Variants in WDR70 observed in about 807,000 individuals in gnomAD.
WDR70 encodes WD repeat domain 70.
A neutral mutation model predicts 88.6 loss-of-function variants in WDR70; 53 were observed. The ratio of observed to expected loss-of-function variants is 0.60; its 90% CI spans 0.48 to 0.75. The LOEUF (loss-of-function observed/expected upper bound fraction) is 0.75. Among genes scored for constraint, WDR70 ranks in the 30% least tolerant of loss-of-function variants. WDR70 has a pLI of 0.00. For missense variants in WDR70, 610 were observed against 823.2 expected (o/e 0.74, Z 3.17); for synonymous variants, 280 against 270.0 (o/e 1.04, Z -0.36).
intron 9 of WDR70, among the ~76,000 whole-genome samples, chr5:37,538,600 T>A (rs1191276043): frequency 6.6e-6 from 1 of 152,170 alleles, no homozygotes; most frequent in Non-Finnish European, 1.5e-5. Context: ...TGTGGACATC[T>A]TTTCTGAGTG....
intron 9 of WDR70, among the ~76,000 whole-genome samples, chr5:37,554,103 T>C (rs1742226845): frequency 6.6e-6 from 1 of 150,398 alleles, no homozygotes; most frequent in Non-Finnish European, 1.5e-5. Context: ...TTTAGTGCAA[T>C]ACTCCTTTTT....
In WDR70 at chr5:37,506,081, A is replaced by G. The variant is rs1000525497; in HGVS notation, c.841-10433A>G. ...ATCCAGAGAGATCACCTCATTCAAG[A>G]TTTGCACAGTAAAGATTTGCATGTG... On this transcript the variant is annotated intron_variant, in intron 8 of 17. Coordinates refer to ENST00000265107, the MANE Select transcript of WDR70 (RefSeq NM_018034.4). 7.9e-6 allele frequency: 10 copies of G among 1,273,846 alleles called. No homozygotes were observed. In the African/African-American group the frequency reaches 1.0e-4, roughly 13 times the overall value. The allele number at this position is 1,273,846 out of a possible 1,614,324, so 78.9% of individuals were successfully genotyped here.
chr5:37,711,463 T>C (rs1747509995), intron 13 of WDR70, among the ~76,000 whole-genome samples: 2 of 152,332 alleles, frequency 1.3e-5, no homozygotes, highest in Middle Eastern at 3.4e-3. Flanking sequence ...ATTTTTAGCC[T>C]CACATTCTCA....
rs753546581 is a variant in WDR70 at position 37,392,130 on chromosome 5, T to C, written c.296+10T>C. 1 of 1,602,332 alleles carries C rather than the reference T, an allele frequency of 6.2e-7. No homozygotes were observed. The highest frequency in any genetic ancestry group is 8.5e-7 in the Non-Finnish European group (1 of 1,177,730). ...CCAAATCATCTTCCAGGTGCCTGAT[T>C]TTCAGAAAGACTTCTATTAAACTAT... On this transcript the variant is annotated intron_variant, in intron 4 of 17. Transcript: ENST00000265107.
In WDR70 at chr5:37,379,389, G is replaced by T; in HGVS notation, c.22G>T (p.Glu8Ter). 6.2e-7 allele frequency: 1 copy of T among 1,613,654 alleles called. No individual in the cohort carries two copies. The highest frequency in any genetic ancestry group is 8.5e-7 in the Non-Finnish European group (1 of 1,179,822). ...AGCCATGGAGCGCTCTGGGCCCAGC[G>T]AAGGTGGGTTTCATGAGGCGAGTCC... is the stretch of plus-strand genomic sequence containing the variant. MERSGPSEVTGSDASGPD... is the reference protein window; with the variant it reads MERSGPS Residue 8 changes from glutamate (E) to a stop codon, truncating the protein, a stop_gained, in exon 1 of 18, where the codon GAA becomes TAA. Coordinates refer to ENST00000265107, the MANE Select transcript of WDR70 (RefSeq NM_018034.4). LOFTEE classifies it high-confidence loss of function.
At chr5:37,434,544 A>G (rs571253965) in intron 5 of WDR70, among the ~76,000 whole-genome samples, 1 of 152,202 alleles carries the variant, frequency 6.6e-6, no homozygotes, top group South Asian at 2.1e-4. Context: ...GATCTTTGTT[A>G]TTGGGTAGAG....
Position 37,622,579 on chromosome 5 carries a change from A to G in WDR70, c.1092+17341A>G, listed in dbSNP as rs1022355873. 4.6e-5 allele frequency among the ~76,000 whole-genome samples: 7 copies of G among 152,258 alleles called. No homozygotes were observed. In the South Asian group the frequency reaches 6.2e-4, roughly 13 times the overall value. On this transcript the variant is annotated intron_variant, in intron 10 of 17. Coordinates refer to ENST00000265107, the MANE Select transcript of WDR70 (RefSeq NM_018034.4). The stretch of plus-strand genomic sequence containing the variant: ...ATGCAGCCTTAAAAAGGGTGAGTTC[A>G]TGTCCTTTGTAGGGACATGGATGAA...
chr5:37,686,702 C>T (rs1051294143), intron 10 of WDR70, among the ~76,000 whole-genome samples: 4 of 151,748 alleles, frequency 2.6e-5, no homozygotes, highest in African/African-American at 9.7e-5. Flanking sequence ...TTTGAATTTC[C>T]AGAGGCTCCA....
At chr5:37,469,886 C>T (rs1739272843) in intron 7 of WDR70, among the ~76,000 whole-genome samples, 1 of 152,044 alleles carries the variant, frequency 6.6e-6, no homozygotes, top group South Asian at 2.1e-4. Context: ...CTGTAATAGA[C>T]TTATATTTCT....
intron 9 of WDR70, among the ~76,000 whole-genome samples, chr5:37,521,826 CAT>C (rs977824579): frequency 9.2e-5 from 14 of 152,028 alleles, no homozygotes; most frequent in African/African-American, 3.1e-4. Flanking sequence ...ACCCTATAAA[CAT>C]GTGTGTTCAA....
At chr5:37,549,622 CTTTTATAGG>C (rs1742086644) in intron 9 of WDR70, among the ~76,000 whole-genome samples, 1 of 152,018 alleles carries the variant, frequency 6.6e-6, no homozygotes, top group Non-Finnish European at 1.5e-5. Flanking sequence ...ATTTGGATGC[CTTTTATAGG>C]TTTCTTTTAT....
At chr5:37,466,962 G>A (rs900749160) in intron 7 of WDR70, among the ~76,000 whole-genome samples, 17 of 151,950 alleles carry the variant, frequency 1.1e-4, no homozygotes, top group Non-Finnish European at 2.2e-4. Flanking sequence ...TTGACCAGGC[G>A]TGGTGGCTTG....
intron 9 of WDR70, among the ~76,000 whole-genome samples, chr5:37,530,296 G>T (rs972132660): frequency 1.3e-5 from 2 of 151,954 alleles, no homozygotes; most frequent in African/African-American, 2.4e-5. Context: ...CCCTATTTTG[G>T]GTATTAGAGT....
At position 37,536,441 on chromosome 5, in the gene WDR70, T is replaced by C. The variant is rs146726371; in HGVS notation, c.917+19851T>C. 4.7e-3 allele frequency among the ~76,000 whole-genome samples: 708 copies of C among 152,214 alleles called. 3 individuals carry two copies. Among genetic ancestry groups the C allele is most frequent in the Admixed American group, 7.3e-3 (111 of 15,280 alleles). ...TACCTGAAATGCTGGGGACCAGAAG[T>C]ATTTTGGATTTCAGATTTTTTTTAG... On this transcript the variant is annotated intron_variant, in intron 9 of 17. Transcript: ENST00000265107.
At chr5:37,415,354 G>A (rs1188117999) in intron 5 of WDR70, among the ~76,000 whole-genome samples, 4 of 144,606 alleles carry the variant, frequency 2.8e-5, no homozygotes, top group Non-Finnish European at 4.7e-5. Flanking sequence ...CCCAGTAGGG[G>A]CGGCCGGGCA....
At chr5:37,493,501 A>G (rs1463276522) in intron 8 of WDR70, among the ~76,000 whole-genome samples, 4 of 152,214 alleles carry the variant, frequency 2.6e-5, no homozygotes, top group Non-Finnish European at 5.9e-5. Context: ...GTATTGTGCC[A>G]GCAACCAGAA....
intron 3 of WDR70, among the ~76,000 whole-genome samples, chr5:37,389,481 G>A (rs976374319): frequency 1.3e-4 from 20 of 151,644 alleles, no homozygotes; most frequent in Admixed American, 7.2e-4. Flanking sequence ...TGCCATCTCC[G>A]CTCAGTGCAA....
At chr5:37,481,628 A>T (rs910653573) in intron 8 of WDR70, among the ~76,000 whole-genome samples, 1 of 152,106 alleles carries the variant, frequency 6.6e-6, no homozygotes, top group Admixed American at 6.5e-5. Flanking sequence ...CTAAGCCTCC[A>T]GGCCTGTGAT....
At chr5:37,568,291 G>A (rs1742802841) in intron 9 of WDR70, among the ~76,000 whole-genome samples, 1 of 152,192 alleles carries the variant, frequency 6.6e-6, no homozygotes, top group South Asian at 2.1e-4. Context: ...CAGCTGTTGA[G>A]AAGGTCTATG....
Sources: gnomAD v4.1 joint callset for allele counts (sites outside exome capture counted in the v4.1 genomes callset) on GRCh38, gnomAD v4.1.1 for gene constraint, MANE v1.5 for transcripts, NCBI Gene and HGNC (gene_info 2026-07-23, HGNC 2026-07-21) for gene names.